Variants in SCRT1 observed in about 807,000 individuals in gnomAD.
SCRT1 encodes the protein scratch family transcriptional repressor 1.
Under a neutral mutation model 3.4 loss-of-function variants are expected in SCRT1, and 1 was observed. The observed-to-expected ratio is 0.29, with a 90% CI of 0.10 to 1.39. The LOEUF (loss-of-function observed/expected upper bound fraction) is 1.39. Ranked by LOEUF, SCRT1 falls within the 40% of genes most tolerant of loss-of-function variation. The pLI is 0.42. For missense variants in SCRT1, 380 were observed against 526.3 expected (o/e 0.72, Z 2.72); for synonymous variants, 238 against 247.0 (o/e 0.96, Z 0.34).
rs1817866783 is a variant in SCRT1, at chr8:144,335,065, C to T, written c.116-949G>A. Among the ~76,000 whole-genome samples the T allele has an allele frequency of 6.6e-6, 1 of 152,250 alleles. No individual in the cohort carries two copies. Among genetic ancestry groups the T allele is most frequent in the South Asian group, 2.1e-4 (1 of 4,832 alleles). ...ACAAATGCACGCCCCTCGCGACGCT[C>T]TGCCTCCTTCAGGGCTACACCCAGT... On this transcript the variant is annotated intron_variant, in intron 1 of 1. Coordinates refer to ENST00000569446, the MANE Select transcript of SCRT1 (RefSeq NM_031309.6). The surrounding 1 kb of genome is among the most constrained non-coding windows in gnomAD (Gnocchi z 7.7).
chr8:144,336,315 C>A lies in SCRT1; in HGVS notation c.-146G>T. 1 of 581,344 alleles carries A rather than the reference C, an allele frequency of 1.7e-6. No individual in the cohort carries two copies. The highest frequency in any genetic ancestry group is 3.1e-6 in the Non-Finnish European group (1 of 327,392). 36.0% of individuals were successfully genotyped at this position (581,344 alleles called of 1,614,324 possible). On this transcript the variant is annotated 5_prime_UTR_variant, in exon 1 of 2. Coordinates refer to ENST00000569446, the MANE Select transcript of SCRT1 (RefSeq NM_031309.6). This position sits in a 1 kb window ranked among gnomAD's most constrained non-coding sequence, Gnocchi z 6.8. ...TTGGATGCTGCCGCGCGAGTGGTGT[C>A]CTCTCTCCTTGCTGCCCTGCGTCTC... is the stretch of plus-strand genomic sequence containing the variant.
intron 1 of SCRT1, 25 bp from the exon 2 acceptor site, chr8:144,334,141 C>G: frequency 2.9e-6 from 3 of 1,017,116 alleles, no homozygotes; most frequent in Non-Finnish European, 2.5e-6. Context: ...GGACGGACAG[C>G]GGGAAGGGAA....
At position 144,333,596 on chromosome 8, in the gene SCRT1, C is replaced by T; in HGVS notation, c.636G>A (p.Thr212=). ...CCAGCTGGCTGTCCAGGCTGCGGTGCGTCTGCTTGTGGCGGCTCAGGTTCG... is the reference window on the plus strand; with the variant it reads ...CCAGCTGGCTGTCCAGGCTGCGGTGTGTCTGCTTGTGGCGGCTCAGGTTCG... The part of the protein sequence containing the change: ...TSSNLSRHKQ[T]HRSLDSQLAR... Residue 212 remains threonine, a synonymous_variant, in exon 2 of 2, where the codon ACG becomes ACA. Transcript: ENST00000569446. 6.2e-7 allele frequency: 1 copy of T among 1,609,892 alleles called. No individual in the cohort carries two copies. The highest frequency in any genetic ancestry group is 8.5e-7 in the Non-Finnish European group (1 of 1,179,238).
Position 144,332,677 on chromosome 8 carries a change from G to A in SCRT1, c.*508C>T, listed in dbSNP as rs2130568449. 1 of 152,920 alleles carries A rather than the reference G, an allele frequency of 6.5e-6. No individual in the cohort carries two copies. Among genetic ancestry groups the A allele is most frequent in the East Asian group, 1.9e-4 (1 of 5,162 alleles). The allele number at this position is 152,920 out of a possible 1,614,324, so 9.5% of individuals were successfully genotyped here. A position where few individuals can be genotyped will look rare whatever the true frequency, so the allele number is the denominator to read the frequency against. ...GCCGGGAGTTCCGCGAAGGCTGCTA[G>A]GCAGGGGCGTCCCTGCAGGCCCGCC... On this transcript the variant is annotated 3_prime_UTR_variant, in exon 2 of 2. Transcript: ENST00000569446.
rs1162423252 is a variant in SCRT1 at position 144,330,758 on chromosome 8, G to C, written c.*2427C>G. On this transcript the variant is annotated 3_prime_UTR_variant, in exon 2 of 2. Coordinates refer to ENST00000569446, the MANE Select transcript of SCRT1 (RefSeq NM_031309.6). Reference sequence around the variant, plus strand: ...CGGGTGGGAATATGTACAAGGCGGCGGGGCACAGGCGGGGGTGGGGGCGGG... The same window carrying C: ...CGGGTGGGAATATGTACAAGGCGGCCGGGCACAGGCGGGGGTGGGGGCGGG... 6.7e-6 allele frequency: 1 copy of C among 150,370 alleles called. No homozygotes were observed. Among genetic ancestry groups the C allele is most frequent in the Non-Finnish European group, 1.5e-5 (1 of 67,090 alleles). The allele number at this position is 150,370 out of a possible 1,614,324, so 9.3% of individuals were successfully genotyped here.
chr8:144,331,533 C>G lies in SCRT1; in HGVS notation c.*1652G>C, dbSNP rs1363875972. Reference sequence around the variant, plus strand: ...TTGGACCCCTGTCCTGCAAACACACCTCCCAGCAGGTGGCTGCGCTCCTGG... The same window carrying G: ...TTGGACCCCTGTCCTGCAAACACACGTCCCAGCAGGTGGCTGCGCTCCTGG... On this transcript the variant is annotated 3_prime_UTR_variant, in exon 2 of 2. Transcript: ENST00000569446. The G allele has an allele frequency of 6.6e-6, 1 of 152,406 alleles. No homozygotes were observed. The highest frequency in any genetic ancestry group is 1.5e-5 in the Non-Finnish European group (1 of 68,174). 9.4% of individuals were successfully genotyped at this position (152,406 alleles called of 1,614,324 possible). A position where few individuals can be genotyped will look rare whatever the true frequency, so the allele number is the denominator to read the frequency against.
chr8:144,334,726 C>T (rs1038181289), intron 1 of SCRT1, among the ~76,000 whole-genome samples: 1 of 152,068 alleles, frequency 6.6e-6, no homozygotes, highest in South Asian at 2.1e-4. Context: ...CAGTTCCCTC[C>T]GGCCTCACCA....
In SCRT1 at chr8:144,333,071, C is replaced by A; in HGVS notation, c.*114G>T. 1.1e-6 allele frequency: 1 copy of A among 921,676 alleles called. No homozygotes were observed. Among genetic ancestry groups the A allele is most frequent in the Non-Finnish European group, 1.6e-6 (1 of 638,782 alleles). The allele number at this position is 921,676 out of a possible 1,614,324, so 57.1% of individuals were successfully genotyped here. On this transcript the variant is annotated 3_prime_UTR_variant, in exon 2 of 2. Transcript: ENST00000569446. ...GGGGTGGGACCGGGCCCCCCTCCCC[C>A]TATTGCTGTGAGGAGGGGCCCGCCC...
chr8:144,331,345 T>G lies in SCRT1; in HGVS notation c.*1840A>C, dbSNP rs1817744313. 1 of 152,256 alleles carries G rather than the reference T, an allele frequency of 6.6e-6. No homozygotes were observed. Among genetic ancestry groups the G allele is most frequent in the Non-Finnish European group, 1.5e-5 (1 of 68,102 alleles). 9.4% of individuals were successfully genotyped at this position (152,256 alleles called of 1,614,324 possible). On this transcript the variant is annotated 3_prime_UTR_variant, in exon 2 of 2. Transcript: ENST00000569446. Reference sequence around the variant, plus strand: ...CACCTGTGTGGGGGCCCAGGAGCCCTGGATCTGTCCCCCTCAGCTGGAGTC... The same window carrying G: ...CACCTGTGTGGGGGCCCAGGAGCCCGGGATCTGTCCCCCTCAGCTGGAGTC...
Position 144,332,983 on chromosome 8 carries a change from G to T in SCRT1, c.*202C>A, listed in dbSNP as rs1309825198. 3 of 517,084 alleles carry T rather than the reference G, an allele frequency of 5.8e-6. No individual in the cohort carries two copies. The highest frequency in any genetic ancestry group is 1.0e-5 in the Non-Finnish European group (3 of 298,054). The allele number at this position is 517,084 out of a possible 1,614,324, so 32.0% of individuals were successfully genotyped here. A position where few individuals can be genotyped will look rare whatever the true frequency, so the allele number is the denominator to read the frequency against. ...CTGGAGGGGAGGGGAGGGGGCTCGG[G>T]GTGGGTCTCCCCTCGGGACCCTATT... On this transcript the variant is annotated 3_prime_UTR_variant, in exon 2 of 2. Transcript: ENST00000569446.
At position 144,333,164 on chromosome 8, in the gene SCRT1, G is replaced by C. The variant is rs782394620; in HGVS notation, c.*21C>G. ...GGCCGTATTGCTGAGAGCCGACCTG[G>C]CTGGGGGAGGCCCCGCCGCCCTAGG... is the stretch of plus-strand genomic sequence containing the variant. On this transcript the variant is annotated 3_prime_UTR_variant, in exon 2 of 2. Coordinates refer to ENST00000569446, the MANE Select transcript of SCRT1 (RefSeq NM_031309.6). The C allele has an allele frequency of 2.7e-6, 4 of 1,484,734 alleles. No individual in the cohort carries two copies. Among genetic ancestry groups the C allele is most frequent in the Non-Finnish European group, 3.6e-6 (4 of 1,123,218 alleles). The allele number at this position is 1,484,734 out of a possible 1,614,324, so 92.0% of individuals were successfully genotyped here. A position where few individuals can be genotyped will look rare whatever the true frequency, so the allele number is the denominator to read the frequency against.
chr8:144,333,775 C>A lies in SCRT1; in HGVS notation c.457G>T (p.Gly153Cys), dbSNP rs1817839870. 8.3e-7 allele frequency: 1 copy of A among 1,198,578 alleles called. No homozygotes were observed. The highest frequency in any genetic ancestry group is 4.5e-5 in the Admixed American group (1 of 22,358). The allele number at this position is 1,198,578 out of a possible 1,614,324, so 74.2% of individuals were successfully genotyped here. ...AAPDGDAGGG[G>C]GAGGRSLGSG... ...CCCAAGCTGCGCCCGCCCGCCCCGC[C>A]CCCGCCTCCGGCGTCGCCGTCGGGG... The change falls in exon 2 of 2, where the codon GGC becomes TGC. Residue 153 changes from glycine to cysteine, a missense_variant. Coordinates refer to ENST00000569446, the MANE Select transcript of SCRT1 (RefSeq NM_031309.6).
Position 144,336,403 on chromosome 8 carries a change from A to C in SCRT1, c.-234T>G. On this transcript the variant is annotated 5_prime_UTR_variant, in exon 1 of 2. Transcript: ENST00000569446. This position sits in a 1 kb window ranked among gnomAD's most constrained non-coding sequence, Gnocchi z 6.8. ...CTTCAATCCTTCCTTCCTTCCTTCA[A>C]TCCTTCCTTCCTTCTCTCCTCTTCT... The C allele has an allele frequency of 7.0e-6, 3 of 427,658 alleles. No homozygotes were observed. The highest frequency in any genetic ancestry group is 2.9e-5 in the South Asian group (1 of 34,704). The allele number at this position is 427,658 out of a possible 1,614,324, so 26.5% of individuals were successfully genotyped here. A position where few individuals can be genotyped will look rare whatever the true frequency, so the allele number is the denominator to read the frequency against.
rs1817792603 is a variant in SCRT1 at position 144,332,555 on chromosome 8, G to A, written c.*630C>T. Reference sequence around the variant, plus strand: ...GGATTTGGCAGAGGATGCGAGGCGAGGGTAGGAGGGCGGCTCCGACTGAGG... The same window carrying A: ...GGATTTGGCAGAGGATGCGAGGCGAAGGTAGGAGGGCGGCTCCGACTGAGG... On this transcript the variant is annotated 3_prime_UTR_variant, in exon 2 of 2. Transcript: ENST00000569446. The A allele has an allele frequency of 6.5e-6, 1 of 152,686 alleles. No homozygotes were observed. The highest frequency in any genetic ancestry group is 2.1e-4 in the South Asian group (1 of 4,828). The allele number at this position is 152,686 out of a possible 1,614,324, so 9.5% of individuals were successfully genotyped here.
chr8:144,334,241 A>G (rs1007640107), intron 1 of SCRT1, 125 bp from the exon 2 acceptor site: 2 of 716,758 alleles, frequency 2.8e-6, no homozygotes, highest in Non-Finnish European at 4.5e-6. Context: ...AGAGGCGAAC[A>G]GGGAGGAGGA....
chr8:144,334,712 C>G (rs941260389), intron 1 of SCRT1, among the ~76,000 whole-genome samples: 1 of 152,056 alleles, frequency 6.6e-6, no homozygotes, highest in Admixed American at 6.5e-5. Context: ...ACGTCTCCCT[C>G]CCCCAGTTCC....
rs1817880741 is a variant in SCRT1, at chr8:144,335,869, C to A, written c.115+186G>T. On this transcript the variant is annotated intron_variant, in intron 1 of 1. Transcript: ENST00000569446. This position sits in a 1 kb window ranked among gnomAD's most constrained non-coding sequence, Gnocchi z 7.7. ...CTGTCCAACGTCGACACTCTCCCTG[C>A]CCAGCCTTGGCCTCTGTGTTCCCCT... 6.6e-6 allele frequency among the ~76,000 whole-genome samples: 1 copy of A among 152,244 alleles called. No homozygotes were observed. Among genetic ancestry groups the A allele is most frequent in the African/African-American group, 2.4e-5 (1 of 41,470 alleles).
In SCRT1 at chr8:144,334,111, G is replaced by T; in HGVS notation, c.121C>A (p.Leu41Ile). ...GACGAGGGCCCCACGTAGTCGCTGAGGTACCCTGCGGGCGGAGGCGGACGG... is the reference window on the plus strand; with the variant it reads ...GACGAGGGCCCCACGTAGTCGCTGATGTACCCTGCGGGCGGAGGCGGACGG... ...LGAPLHDKGY[L>I]SDYVGPSSVY... The change falls in exon 2 of 2, where the codon CTC becomes ATC. Residue 41 changes from leucine (L) to isoleucine (I), a missense_variant. Around this residue, in one of 5 missense-constraint regions of SCRT1, gnomAD observed 125 missense variants for 132.7 expected, o/e 0.94. Transcript: ENST00000569446. The T allele has an allele frequency of 1.3e-6, 2 of 1,533,780 alleles. No individual in the cohort carries two copies. The highest frequency in any genetic ancestry group is 2.0e-5 in the Admixed American group (1 of 50,486).
rs1275617822 is a variant in SCRT1, at chr8:144,330,635, A to C, written c.*2550T>G. The C allele has an allele frequency of 6.6e-6, 1 of 152,174 alleles. No individual in the cohort carries two copies. Among genetic ancestry groups the C allele is most frequent in the African/African-American group, 2.4e-5 (1 of 41,434 alleles). The allele number at this position is 152,174 out of a possible 1,614,324, so 9.4% of individuals were successfully genotyped here. Reference sequence around the variant, plus strand: ...CCGGGGAGCTGGTGCTATTGTGCTTAGGAAGGAGGTCTGTCCGTCCGTCCG... The same window carrying C: ...CCGGGGAGCTGGTGCTATTGTGCTTCGGAAGGAGGTCTGTCCGTCCGTCCG... On this transcript the variant is annotated 3_prime_UTR_variant, in exon 2 of 2. Transcript: ENST00000569446.
Sources: gnomAD v4.1 joint callset for allele counts (sites outside exome capture counted in the v4.1 genomes callset) on GRCh38, gnomAD v4.1.1 for gene constraint, gnomAD v4.1.1 regional missense constraint, Gnocchi (gnomAD v3.1) non-coding constraint, MANE v1.5 for transcripts, NCBI Gene and HGNC (gene_info 2026-07-23, HGNC 2026-07-21) for gene names.